Variants in LRRFIP2 observed in about 807,000 individuals in gnomAD.
The protein encoded by LRRFIP2 is LRR binding FLII interacting protein 2, also known as leucine-rich repeat flightless-interacting protein 2.
LRRFIP2 carries 109 observed loss-of-function variants against 125.9 expected under a neutral mutation model. The observed-to-expected ratio is 0.87, with a 90% CI of 0.74 to 1.01. LRRFIP2 has a LOEUF of 1.01. Among genes scored for constraint, LRRFIP2 ranks in the 50% least tolerant of loss-of-function variants. The pLI is 0.00. For missense variants in LRRFIP2, 850 were observed against 862.3 expected (o/e 0.99, Z 0.18); for synonymous variants, 291 against 293.1 (o/e 0.99, Z 0.07).
At chr3:37,135,072 A>G in intron 2 of LRRFIP2, 1 of 1,384,866 alleles carries the variant, frequency 7.2e-7, no homozygotes, top group East Asian at 2.3e-5. Flanking sequence ...ACAACAGAAT[A>G]TCTCGGGAAT....
chr3:37,080,320 C>T (rs2092520452), intron 19 of LRRFIP2, among the ~76,000 whole-genome samples: 1 of 151,784 alleles, frequency 6.6e-6, no homozygotes, highest in Admixed American at 6.6e-5. Context: ...CACTTGAACC[C>T]GGGAGGCAGA....
chr3:37,076,604 C>T (rs956770004), intron 19 of LRRFIP2, among the ~76,000 whole-genome samples: 1 of 151,622 alleles, frequency 6.6e-6, no homozygotes, highest in African/African-American at 2.4e-5. Context: ...CGGTGGCTCA[C>T]GCCTGTAATC....
At chr3:37,173,304 G>C (rs2096611654) in intron 1 of LRRFIP2, among the ~76,000 whole-genome samples, 1 of 152,036 alleles carries the variant, frequency 6.6e-6, no homozygotes, top group Admixed American at 6.6e-5. Context: ...CAGAACTCAT[G>C]TGGTCTTCCC....
At chr3:37,168,602 A>T (rs1426237455) in intron 1 of LRRFIP2, among the ~76,000 whole-genome samples, 1 of 152,232 alleles carries the variant, frequency 6.6e-6, no homozygotes, top group Non-Finnish European at 1.5e-5. Flanking sequence ...TGATAGTTAC[A>T]CAATAATGTA....
chr3:37,068,007 A>T (rs560975300), intron 21 of LRRFIP2: 1 of 152,322 alleles, frequency 6.6e-6, no homozygotes, highest in African/African-American at 2.4e-5. Context: ...CTGCAATGTC[A>T]ATATCTGACT....
At chr3:37,138,718 A>G (rs1437226263) in intron 2 of LRRFIP2, among the ~76,000 whole-genome samples, 2 of 152,220 alleles carry the variant, frequency 1.3e-5, no homozygotes, top group Non-Finnish European at 2.9e-5. Context: ...CACACTGGCT[A>G]TAACTTCTGT....
At chr3:37,141,721 C>T (rs999195226) in intron 2 of LRRFIP2, among the ~76,000 whole-genome samples, 3 of 152,138 alleles carry the variant, frequency 2.0e-5, no homozygotes, top group African/African-American at 2.4e-5. Flanking sequence ...AGGCAGGGCC[C>T]GGAGTCAAAG....
At chr3:37,107,229 C>T (rs542480329) in intron 13 of LRRFIP2, among the ~76,000 whole-genome samples, 18 of 152,120 alleles carry the variant, frequency 1.2e-4, no homozygotes, top group South Asian at 2.1e-4. Context: ...TGTATACTTA[C>T]GCACTAACAG....
intron 25 of LRRFIP2, 93 bp downstream of exon 25, chr3:37,058,697 G>T: frequency 3.3e-5 from 40 of 1,194,692 alleles, no homozygotes; most frequent in South Asian, 5.7e-5. Context: ...AAAAAGAAAA[G>T]TGTATTACAA....
chr3:37,142,242 A>C (rs1467992576), intron 2 of LRRFIP2, among the ~76,000 whole-genome samples: 3 of 149,218 alleles, frequency 2.0e-5, no homozygotes, highest in Non-Finnish European at 4.4e-5. Flanking sequence ...GGGCTCAGGC[A>C]ATCCTCCCAC....
intron 21 of LRRFIP2, among the ~76,000 whole-genome samples, chr3:37,070,650 T>A (rs1307297894): frequency 6.6e-6 from 1 of 151,938 alleles, no homozygotes; most frequent in Non-Finnish European, 1.5e-5. Flanking sequence ...GCAGGAGAAT[T>A]GCTTGAACCC....
At chr3:37,081,709 C>A (rs1377278260) in intron 19 of LRRFIP2, among the ~76,000 whole-genome samples, 1 of 138,366 alleles carries the variant, frequency 7.2e-6, no homozygotes, top group Non-Finnish European at 1.7e-5. Context: ...CATGGTGAAA[C>A]CGTTTCTATA....
chr3:37,175,694 G>C (rs1453884815), upstream of LRRFIP2: 2 of 152,294 alleles, frequency 1.3e-5, no homozygotes, highest in East Asian at 3.8e-4. Flanking sequence ...CGTTCCCTGG[G>C]GGTGCTCGTC....
In LRRFIP2 at chr3:37,129,307, C is replaced by G. The variant is rs1007371007; in HGVS notation, c.91-158G>C. On this transcript the variant is annotated intron_variant, in intron 2 of 27. Coordinates refer to ENST00000336686, the MANE Select transcript of LRRFIP2 (RefSeq NM_006309.4). ...AAGTTTGATTGATTGTTTTAATCAA[C>G]TCTTATAAACTCATTTCTTTCTCTA... is the stretch of plus-strand genomic sequence containing the variant. Among the ~76,000 whole-genome samples, 21 of 152,212 alleles carry G rather than the reference C, an allele frequency of 1.4e-4. 1 individual carries two copies. Among genetic ancestry groups the G allele is most frequent in the Admixed American group, 1.4e-3 (21 of 15,264 alleles).
At chr3:37,123,022 A>G (rs2095121943) in intron 4 of LRRFIP2, among the ~76,000 whole-genome samples, 2 of 152,250 alleles carry the variant, frequency 1.3e-5, no homozygotes, top group South Asian at 4.1e-4. Flanking sequence ...TTTTTGCAAA[A>G]TGAATCAATG....
At chr3:37,131,960 C>A (rs2095438257) in intron 2 of LRRFIP2, among the ~76,000 whole-genome samples, 1 of 152,154 alleles carries the variant, frequency 6.6e-6, no homozygotes, top group Admixed American at 6.5e-5. Flanking sequence ...AATAGAAAAA[C>A]CCCTGCAAAG....
chr3:37,122,994 T>C (rs144452514), intron 4 of LRRFIP2, among the ~76,000 whole-genome samples: 3 of 152,264 alleles, frequency 2.0e-5, no homozygotes, highest in East Asian at 1.9e-4. Context: ...ACTGGGTTCA[T>C]AGCTTATCAA....
intron 1 of LRRFIP2, among the ~76,000 whole-genome samples, chr3:37,151,174 C>G (rs1010717345): frequency 6.6e-6 from 1 of 152,162 alleles, no homozygotes; most frequent in Non-Finnish European, 1.5e-5. Flanking sequence ...GTCTGGCCAA[C>G]ATGGCGAAAC....
chr3:37,055,175 A>C lies in LRRFIP2; in HGVS notation c.1871-10T>G. Reference sequence around the variant, plus strand: ...TGTCTATTGGCATCTCCTAGAACAGAAGAAGACAATGAATTATCTTCACCT... The same window carrying C: ...TGTCTATTGGCATCTCCTAGAACAGCAGAAGACAATGAATTATCTTCACCT... On this transcript the variant is annotated splice_polypyrimidine_tract_variant and intron_variant, in intron 25 of 27. Transcript: ENST00000336686. 1 of 1,539,668 alleles carries C rather than the reference A, an allele frequency of 6.5e-7. No individual in the cohort carries two copies.
Sources: gnomAD v4.1 joint callset for allele counts (sites outside exome capture counted in the v4.1 genomes callset) on GRCh38, gnomAD v4.1.1 for gene constraint, MANE v1.5 for transcripts, NCBI Gene and HGNC (gene_info 2026-07-23, HGNC 2026-07-21) for gene names.